Variants in ZHX2 observed in about 807,000 individuals in gnomAD.
The protein encoded by ZHX2 is zinc fingers and homeoboxes 2.
ZHX2 carries 6 observed loss-of-function variants against 21.9 expected under a neutral mutation model. That is an observed-to-expected ratio of 0.27 (90% CI 0.15 to 0.54). The LOEUF (loss-of-function observed/expected upper bound fraction) is 0.54. ZHX2 is among the 20% of genes least tolerant of loss of function. ZHX2 has a pLI of 0.95. For missense variants in ZHX2, 908 were observed against 1,090.7 expected, an observed-to-expected ratio of 0.83 and a Z score of 2.36; for synonymous variants, 434 against 437.1, an observed-to-expected ratio of 0.99 and a Z score of 0.09.
At chr8:122,970,378 G>T (rs780721568) in intron 3 of ZHX2, among the ~76,000 whole-genome samples, 1 of 152,178 alleles carries the variant, frequency 6.6e-6, no homozygotes, top group Non-Finnish European at 1.5e-5. Flanking sequence ...TGCTGCATGG[G>T]CCAGACTCCA....
intron 1 of ZHX2, among the ~76,000 whole-genome samples, chr8:122,826,000 A>G (rs990323578): frequency 1.3e-5 from 2 of 152,188 alleles, no homozygotes; most frequent in African/African-American, 4.8e-5. Context: ...TCTGCTCAGA[A>G]AAGAAGCCCA....
intron 2 of ZHX2, among the ~76,000 whole-genome samples, chr8:122,925,416 C>G (rs186253797): frequency 6.6e-6 from 1 of 152,266 alleles, no homozygotes; most frequent in Non-Finnish European, 1.5e-5. Flanking sequence ...TGAACAGCAC[C>G]AGGTTCTTGC....
chr8:122,921,284 A>T (rs751455554), intron 2 of ZHX2, among the ~76,000 whole-genome samples: 1 of 152,040 alleles, frequency 6.6e-6, no homozygotes, highest in Non-Finnish European at 1.5e-5. Context: ...GGGTTTCACC[A>T]TGTTGGCCAG....
chr8:122,897,785 GTAA>G (rs1820135181), intron 2 of ZHX2, among the ~76,000 whole-genome samples: 1 of 152,136 alleles, frequency 6.6e-6, no homozygotes, highest in African/African-American at 2.4e-5. Flanking sequence ...AACTCTCTGG[GTAA>G]CCAGATGGTT....
intron 1 of ZHX2, among the ~76,000 whole-genome samples, chr8:122,830,316 C>G (rs183457463): frequency 3.3e-5 from 5 of 152,194 alleles, no homozygotes; most frequent in African/African-American, 1.2e-4. Flanking sequence ...TGGCCTTCTT[C>G]CTGCTTCTGC....
intron 2 of ZHX2, among the ~76,000 whole-genome samples, chr8:122,909,177 TC>T (rs1820417002): frequency 6.6e-6 from 1 of 152,136 alleles, no homozygotes. Flanking sequence ...ATGCCTGTAA[TC>T]CCAGCAGTTT....
At chr8:122,877,253 T>C (rs1028759181) in intron 2 of ZHX2, among the ~76,000 whole-genome samples, 2 of 152,112 alleles carry the variant, frequency 1.3e-5, no homozygotes, top group Non-Finnish European at 2.9e-5. Context: ...AATAAACACA[T>C]AAGAAGCACT....
Position 122,953,471 on chromosome 8 carries a change from C to T in ZHX2, c.1961C>T (p.Thr654Ile), listed in dbSNP as rs765182938. Residue 654 changes from threonine to isoleucine, a missense_variant, in exon 3 of 4, where the codon ACT (threonine) becomes ATT (isoleucine). Physicochemically the swap from Thr to Ile is moderately conservative, Grantham distance 89. Transcript: ENST00000314393. This position sits in a 1 kb window ranked among gnomAD's most constrained non-coding sequence, Gnocchi z 4.6. ...RSTFARTQWPTPQEYDQLAAK... is the reference protein window; with the variant it reads ...RSTFARTQWPIPQEYDQLAAK... ...ACGTTTGCAAGAACCCAGTGGCCTA[C>T]TCCCCAGGAGTACGACCAGTTAGCG... 3 of 1,614,230 alleles carry T rather than the reference C, an allele frequency of 1.9e-6. No individual in the cohort carries two copies. The East Asian group carries it at 6.7e-5, about 36-fold the overall frequency.
rs534772377 is a variant in ZHX2, at chr8:122,959,054, C to T, written c.*4+5026C>T. On this transcript the variant is annotated intron_variant, in intron 3 of 3. Transcript: ENST00000314393. ...GAACCTTCCCACCAACCTACATGTG[C>T]AAGCCACCTTCCCATTTATTTTAAA... Among the ~76,000 whole-genome samples, 12 of 152,316 alleles carry T rather than the reference C, an allele frequency of 7.9e-5. No individual in the cohort carries two copies. In the Middle Eastern group the frequency reaches 0.01, roughly 130 times the overall value.
chr8:122,853,026 G>T (rs1238446079), intron 1 of ZHX2, among the ~76,000 whole-genome samples: 1 of 151,936 alleles, frequency 6.6e-6, no homozygotes, highest in Non-Finnish European at 1.5e-5. Context: ...TTATAGACAA[G>T]GAAATGGAGA....
intron 2 of ZHX2, among the ~76,000 whole-genome samples, chr8:122,875,105 G>A (rs570408294): frequency 2.1e-5 from 2 of 94,144 alleles, no homozygotes; most frequent in Non-Finnish European, 4.4e-5. Flanking sequence ...TCTTCAACCT[G>A]CTTTTAGAGG....
At chr8:122,972,845 G>A (rs1813760141) in intron 3 of ZHX2, among the ~76,000 whole-genome samples, 1 of 152,146 alleles carries the variant, frequency 6.6e-6, no homozygotes, top group Non-Finnish European at 1.5e-5. Flanking sequence ...CCACTAAGGG[G>A]AGAAGTTAGG....
At chr8:122,926,074 C>T (rs887492332) in intron 2 of ZHX2, among the ~76,000 whole-genome samples, 2 of 152,174 alleles carry the variant, frequency 1.3e-5, no homozygotes, top group African/African-American at 2.4e-5. Flanking sequence ...CACACGCATG[C>T]GCCCCAGCTC....
intron 2 of ZHX2, among the ~76,000 whole-genome samples, chr8:122,918,226 G>A (rs1286192276): frequency 6.6e-6 from 1 of 152,208 alleles, no homozygotes; most frequent in Non-Finnish European, 1.5e-5. Flanking sequence ...CCAAGTCAGA[G>A]ACTGTGTCCC....
intron 2 of ZHX2, among the ~76,000 whole-genome samples, chr8:122,911,380 C>T (rs1820477113): frequency 6.6e-6 from 1 of 152,116 alleles, no homozygotes; most frequent in Admixed American, 6.5e-5. Flanking sequence ...GAGGCCTTCA[C>T]ACCCTCTTCC....
intron 1 of ZHX2, chr8:122,815,800 A>C (rs1223802583): frequency 6.6e-6 from 1 of 152,294 alleles, no homozygotes; most frequent in Non-Finnish European, 1.5e-5. Flanking sequence ...ATTTTTAAAA[A>C]TTGCCGGCCG....
At chr8:122,948,369 C>G (rs567188856) in intron 2 of ZHX2, among the ~76,000 whole-genome samples, 1 of 152,122 alleles carries the variant, frequency 6.6e-6, no homozygotes. Context: ...CATCAGCTCT[C>G]TATTCTCGGT....
At chr8:122,809,368 T>G (rs992267643) in intron 1 of ZHX2, 3 of 152,136 alleles carry the variant, frequency 2.0e-5, no homozygotes, top group Non-Finnish European at 4.4e-5. Flanking sequence ...GGCGTGGTGG[T>G]AGGCGCCTGT....
At chr8:122,954,767 G>T (rs1439478391) in intron 3 of ZHX2, among the ~76,000 whole-genome samples, 1 of 152,096 alleles carries the variant, frequency 6.6e-6, no homozygotes, top group Non-Finnish European at 1.5e-5. Flanking sequence ...GGTTAGTTTT[G>T]ACTGTTAGAA....
Sources: allele counts gnomAD v4.1 joint callset (sites outside exome capture counted in the v4.1 genomes callset), GRCh38; gene constraint gnomAD v4.1.1; non-coding constraint Gnocchi (gnomAD v3.1); transcripts MANE v1.5; gene names NCBI Gene and HGNC (gene_info 2026-07-23, HGNC 2026-07-21).